KAT6B: variants seen among roughly 807,000 people sequenced by gnomAD.
The protein encoded by KAT6B is lysine acetyltransferase 6B.
KAT6B carries 10 observed loss-of-function variants against 187.5 expected under a neutral mutation model. The observed-to-expected ratio is 0.05, with a 90% CI of 0.03 to 0.09. The LOEUF is 0.09. Among genes scored for constraint, KAT6B ranks in the 10% least tolerant of loss-of-function variants. KAT6B has a pLI of 1.00. For synonymous variants in KAT6B, 861 were observed against 926.8 expected (o/e 0.93, Z 1.29); for missense variants, 1,952 against 2,558.9 (o/e 0.76, Z 5.12).
At chr10:74,917,120 T>G (rs547951878) in intron 3 of KAT6B, among the ~76,000 whole-genome samples, 1 of 152,290 alleles carries the variant, frequency 6.6e-6, no homozygotes, top group South Asian at 2.1e-4. Context: ...ACCTGAACAC[T>G]TCTTTGTTAT....
At chr10:75,021,020 A>G (rs1845367604) in intron 14 of KAT6B, 106 bp from the exon 15 acceptor site, 1 of 1,200,616 alleles carries the variant, frequency 8.3e-7, no homozygotes, top group African/African-American at 1.5e-5. Context: ...GTGCTTTCTG[A>G]TTTTTCCTAA....
chr10:74,858,578 C>T (rs1243043101), intron 3 of KAT6B, among the ~76,000 whole-genome samples: 1 of 151,422 alleles, frequency 6.6e-6, no homozygotes, highest in Non-Finnish European at 1.5e-5. Flanking sequence ...ATGCCTGGCC[C>T]AAAATGATTT....
chr10:75,029,362 A>G lies in KAT6B; in HGVS notation c.4538A>G (p.Gln1513Arg). Residue 1513 changes from glutamine (Q) to arginine (R), a missense_variant, in exon 18 of 18, where the codon CAG (glutamine) becomes CGG (arginine). Transcript: ENST00000287239. This position sits in a 1 kb window ranked among gnomAD's most constrained non-coding sequence, Gnocchi z 6.2. ...GAGCCACCCCCAGGAGAACAGGCAC[A>G]GAAGCAGGACCAAAAGAACAGCAAG... ...DEEPPPGEQA[Q>R]KQDQKNSKEV... is the part of the protein sequence containing the mutation. The G allele has an allele frequency of 6.2e-7, 1 of 1,614,170 alleles. No individual in the cohort carries two copies. The highest frequency in any genetic ancestry group is 8.5e-7 in the Non-Finnish European group (1 of 1,180,030).
chr10:74,850,741 A>G (rs1842425946), intron 3 of KAT6B, among the ~76,000 whole-genome samples: 1 of 152,248 alleles, frequency 6.6e-6, no homozygotes, highest in Non-Finnish European at 1.5e-5. Flanking sequence ...ATATTCTAAG[A>G]GAGACTTCCA....
At chr10:74,881,237 G>A (rs1844830240) in intron 3 of KAT6B, among the ~76,000 whole-genome samples, 1 of 152,152 alleles carries the variant, frequency 6.6e-6, no homozygotes, top group African/African-American at 2.4e-5. Flanking sequence ...AGGAGGCTGT[G>A]TCTCTAACAT....
At chr10:74,881,677 G>C (rs985171970) in intron 3 of KAT6B, among the ~76,000 whole-genome samples, 3 of 152,136 alleles carry the variant, frequency 2.0e-5, no homozygotes, top group African/African-American at 7.2e-5. Context: ...TGATTGAGAT[G>C]GGGTTTCGCT....
intron 12 of KAT6B, among the ~76,000 whole-genome samples, chr10:74,986,001 G>A (rs781684580): frequency 1.3e-5 from 2 of 152,056 alleles, no homozygotes; most frequent in African/African-American, 2.4e-5. Flanking sequence ...AGCCGAGATC[G>A]CGCCACTGCA....
chr10:74,945,870 C>G (rs573245422), intron 3 of KAT6B, among the ~76,000 whole-genome samples: 1 of 152,272 alleles, frequency 6.6e-6, no homozygotes, highest in Non-Finnish European at 1.5e-5. Context: ...AGATTATTTT[C>G]ATGAAGGATA....
intron 12 of KAT6B, among the ~76,000 whole-genome samples, chr10:74,986,333 A>G (rs1842807410): frequency 6.6e-6 from 1 of 152,224 alleles, no homozygotes; most frequent in African/African-American, 2.4e-5. Context: ...AATAGAGACA[A>G]TAATTATGAG....
chr10:74,963,092 C>A (rs1215281802), intron 4 of KAT6B, among the ~76,000 whole-genome samples: 1 of 152,122 alleles, frequency 6.6e-6, no homozygotes, highest in East Asian at 1.9e-4. Flanking sequence ...GGAAGATGAT[C>A]AGTAACTGTA....
At chr10:74,973,348 T>G (rs1841962264) in intron 7 of KAT6B, among the ~76,000 whole-genome samples, 1 of 152,238 alleles carries the variant, frequency 6.6e-6, no homozygotes, top group Middle Eastern at 3.4e-3. Context: ...AGAGGTGAAA[T>G]GAATTTATTT....
At chr10:74,879,006 G>A (rs574050285) in intron 3 of KAT6B, among the ~76,000 whole-genome samples, 1 of 152,306 alleles carries the variant, frequency 6.6e-6, no homozygotes, top group East Asian at 1.9e-4. Flanking sequence ...TTCAGGAAAT[G>A]AGGGACTCCC....
intron 13 of KAT6B, among the ~76,000 whole-genome samples, chr10:75,017,915 TACGTG>T (rs1845096962): frequency 1.3e-5 from 2 of 152,394 alleles, no homozygotes; most frequent in East Asian, 3.9e-4. Flanking sequence ...TGTTTTCTCT[TACGTG>T]AGTAGACTTT....
chr10:74,916,828 A>G (rs920083412), intron 3 of KAT6B, among the ~76,000 whole-genome samples: 3 of 152,176 alleles, frequency 2.0e-5, no homozygotes, highest in Admixed American at 2.0e-4. Context: ...CTGGCCTGGC[A>G]CGGTGGCTCA....
chr10:74,827,005 AG>A (rs11327836), intron 1 of KAT6B: 126,966 of 127,054 alleles, frequency 1, 63,439 homozygotes, highest in Middle Eastern at 1. Context: ...CTCTAGGGCA[AG>A]GGGGCGGGGC....
At chr10:74,887,828 A>G (rs1845388475) in intron 3 of KAT6B, among the ~76,000 whole-genome samples, 1 of 151,980 alleles carries the variant, frequency 6.6e-6, no homozygotes, top group Admixed American at 6.6e-5. Flanking sequence ...GCAACATAGC[A>G]AGACCCCACC....
intron 13 of KAT6B, among the ~76,000 whole-genome samples, chr10:75,015,733 A>G (rs1264465310): frequency 6.6e-6 from 1 of 152,220 alleles, no homozygotes; most frequent in East Asian, 1.9e-4. Context: ...GCTGAGCTAA[A>G]CAGGTGTCTG....
intron 5 of KAT6B, 84 bp downstream of exon 5, chr10:74,969,859 A>G (rs1178395862): frequency 4.6e-6 from 5 of 1,095,288 alleles, no homozygotes; most frequent in Non-Finnish European, 5.6e-6. Context: ...GAGTATGGCT[A>G]CTTTCTTTCT....
chr10:75,023,926 T>G (rs578255070), intron 16 of KAT6B, among the ~76,000 whole-genome samples: 48 of 152,344 alleles, frequency 3.2e-4, no homozygotes, highest in Middle Eastern at 3.4e-3. Flanking sequence ...CCAAGCATAT[T>G]GAACCCTTCT....
Sources: allele counts gnomAD v4.1 joint callset (sites outside exome capture counted in the v4.1 genomes callset), GRCh38; gene constraint gnomAD v4.1.1; non-coding constraint Gnocchi (gnomAD v3.1); transcripts MANE v1.5; gene names NCBI Gene and HGNC (gene_info 2026-07-23, HGNC 2026-07-21).